GPC5: variants seen among roughly 807,000 people sequenced by gnomAD.
GPC5 encodes the protein glypican 5, also known as glypican-5.
A neutral mutation model predicts 53.9 loss-of-function variants in GPC5; 47 were observed. That is an observed-to-expected ratio of 0.87 (90% CI 0.69 to 1.11). The LOEUF (loss-of-function observed/expected upper bound fraction) is 1.11. Among genes scored for constraint, GPC5 ranks in the 50% most tolerant of loss-of-function variants. The pLI is 0.00. For missense variants in GPC5, 748 were observed against 713.1 expected (o/e 1.05, Z -0.56); for synonymous variants, 286 against 263.3 (o/e 1.09, Z -0.84).
intron 7 of GPC5, among the ~76,000 whole-genome samples, chr13:92,860,887 A>G (rs939845899): frequency 6.6e-6 from 1 of 152,012 alleles, no homozygotes; most frequent in Admixed American, 6.6e-5. Context: ...TATTTGTATT[A>G]TTTAGTAATT....
At chr13:91,975,619 C>T (rs968899866) in intron 6 of GPC5, among the ~76,000 whole-genome samples, 10 of 152,144 alleles carry the variant, frequency 6.6e-5, no homozygotes, top group African/African-American at 1.9e-4. Context: ...AGTCAGGAAA[C>T]AACAGGTGCT....
intron 6 of GPC5, among the ~76,000 whole-genome samples, chr13:92,015,143 G>A (rs890694904): frequency 1.3e-4 from 20 of 152,096 alleles, no homozygotes; most frequent in Middle Eastern, 3.2e-3. Context: ...TTGTTTCCTC[G>A]GGGAAAGGGT....
chr13:91,878,670 A>T (rs1450906889), intron 5 of GPC5, among the ~76,000 whole-genome samples: 7 of 152,112 alleles, frequency 4.6e-5, no homozygotes, highest in Non-Finnish European at 8.8e-5. Context: ...AGATGGTTTT[A>T]TAAGGAGCTT....
intron 2 of GPC5, among the ~76,000 whole-genome samples, chr13:91,687,847 A>G (rs2035655636): frequency 6.6e-6 from 1 of 152,098 alleles, no homozygotes; most frequent in African/African-American, 2.4e-5. Flanking sequence ...CAAAGCTACT[A>G]TTTATATAGC....
intron 7 of GPC5, among the ~76,000 whole-genome samples, chr13:92,308,684 C>T (rs779982149): frequency 2.0e-5 from 3 of 152,016 alleles, no homozygotes; most frequent in Non-Finnish European, 4.4e-5. Flanking sequence ...GTTATCTTTT[C>T]CAGTTCCTTG....
chr13:91,489,600 T>C (rs1057008219), intron 2 of GPC5, among the ~76,000 whole-genome samples: 2 of 152,234 alleles, frequency 1.3e-5, no homozygotes, highest in African/African-American at 2.4e-5. Flanking sequence ...ACCATTCACA[T>C]TATTTTACAG....
chr13:91,694,228 C>A (rs2035831240), intron 3 of GPC5, among the ~76,000 whole-genome samples: 2 of 152,148 alleles, frequency 1.3e-5, no homozygotes, highest in Non-Finnish European at 2.9e-5. Flanking sequence ...GAAATAGTAA[C>A]ATACAACATT....
intron 2 of GPC5, among the ~76,000 whole-genome samples, chr13:91,536,035 A>G (rs1886575993): frequency 6.6e-6 from 1 of 152,204 alleles, no homozygotes; most frequent in Non-Finnish European, 1.5e-5. Flanking sequence ...GCTTTACAGT[A>G]TGTCATTATA....
intron 7 of GPC5, among the ~76,000 whole-genome samples, chr13:92,350,747 C>T (rs756280673): frequency 2.0e-5 from 3 of 152,066 alleles, no homozygotes; most frequent in Non-Finnish European, 4.4e-5. Context: ...TTTTATTACA[C>T]GTTGTATATA....
intron 5 of GPC5, among the ~76,000 whole-genome samples, chr13:91,871,887 TGAAA>T (rs984637056): frequency 3.9e-5 from 6 of 151,974 alleles, no homozygotes; most frequent in Admixed American, 6.6e-5. Context: ...GGTGTGTGAC[TGAAA>T]GAAAGAAAGA....
At chr13:92,434,636 G>A (rs754706817) in intron 7 of GPC5, among the ~76,000 whole-genome samples, 1 of 152,074 alleles carries the variant, frequency 6.6e-6, no homozygotes, top group Admixed American at 6.6e-5. Context: ...TACTATACAG[G>A]TTAAAGAAAT....
At chr13:92,422,526 A>G (rs891839156) in intron 7 of GPC5, among the ~76,000 whole-genome samples, 1 of 143,936 alleles carries the variant, frequency 6.9e-6, no homozygotes, top group African/African-American at 2.7e-5. Flanking sequence ...ACACACACAC[A>G]CACACAACTT....
intron 2 of GPC5, among the ~76,000 whole-genome samples, chr13:91,647,092 T>C (rs2034578419): frequency 6.6e-6 from 1 of 150,868 alleles, no homozygotes; most frequent in Non-Finnish European, 1.5e-5. Context: ...TGTGTGTGTG[T>C]GTGTGTGTGT....
At chr13:91,561,862 T>A (rs2031280257) in intron 2 of GPC5, among the ~76,000 whole-genome samples, 1 of 152,130 alleles carries the variant, frequency 6.6e-6, no homozygotes, top group African/African-American at 2.4e-5. Flanking sequence ...CCTAGTAATT[T>A]CCATATAGCT....
chr13:92,446,830 G>T (rs965154436), intron 7 of GPC5: 1 of 152,114 alleles, frequency 6.6e-6, no homozygotes. Context: ...CATTTTAACT[G>T]GGGTGAGATG....
At chr13:92,165,803 T>C (rs867975898) in intron 7 of GPC5, among the ~76,000 whole-genome samples, 5 of 152,256 alleles carry the variant, frequency 3.3e-5, no homozygotes, top group South Asian at 2.1e-4. Flanking sequence ...AGGCCTGTTC[T>C]GGATATATCC....
intron 2 of GPC5, among the ~76,000 whole-genome samples, chr13:91,519,884 G>GAA (rs5805702): frequency 6.2e-4 from 94 of 151,098 alleles, no homozygotes; most frequent in African/African-American, 1.8e-3. Flanking sequence ...GTTGAAAATG[G>GAA]AAAAAAAAAT....
At chr13:92,627,343 T>C (rs765076704) in intron 7 of GPC5, among the ~76,000 whole-genome samples, 2 of 152,246 alleles carry the variant, frequency 1.3e-5, no homozygotes, top group African/African-American at 2.4e-5. Flanking sequence ...GTGGCAGCTA[T>C]AGTTTATAGA....
intron 7 of GPC5, among the ~76,000 whole-genome samples, chr13:92,439,050 A>T (rs1386932767): frequency 6.6e-6 from 1 of 152,160 alleles, no homozygotes; most frequent in African/African-American, 2.4e-5. Flanking sequence ...GACAAACCTC[A>T]GTCTGTAATG....
Sources: gnomAD v4.1 joint callset for allele counts (sites outside exome capture counted in the v4.1 genomes callset) on GRCh38, gnomAD v4.1.1 for gene constraint, MANE v1.5 for transcripts, NCBI Gene and HGNC (gene_info 2026-07-23, HGNC 2026-07-21) for gene names.